THRB: variants seen among roughly 807,000 people sequenced by gnomAD.
The protein encoded by THRB is nuclear receptor subfamily 1 group A member 2.
Under a neutral mutation model 47.8 loss-of-function variants are expected in THRB, and 12 were observed. The observed-to-expected ratio is 0.25, with a 90% CI of 0.16 to 0.41. The LOEUF (loss-of-function observed/expected upper bound fraction) is 0.41. Ranked by LOEUF, THRB falls within the 10% of genes least tolerant of loss-of-function variation. The probability of loss-of-function intolerance (pLI) is 1.00; values close to 1 mark genes in which losing one functional copy is unlikely to be tolerated. For missense variants in THRB, 348 were observed against 589.2 expected (o/e 0.59, Z 4.24); for synonymous variants, 218 against 212.2 (o/e 1.03, Z -0.24).
intron 1 of THRB, among the ~76,000 whole-genome samples, chr3:24,367,884 A>G (rs1228849515): frequency 6.6e-6 from 1 of 152,190 alleles, no homozygotes; most frequent in Non-Finnish European, 1.5e-5. Flanking sequence ...ATGTTGAACT[A>G]ACATTGTGAT....
chr3:24,362,395 C>T (rs571094234), intron 1 of THRB, among the ~76,000 whole-genome samples: 13 of 152,284 alleles, frequency 8.5e-5, no homozygotes, highest in African/African-American at 3.1e-4. Context: ...AAGAGATGCT[C>T]TTCCCCTAGA....
intron 3 of THRB, among the ~76,000 whole-genome samples, chr3:24,273,351 T>C (rs1475172222): frequency 2.0e-5 from 3 of 152,192 alleles, no homozygotes; most frequent in Non-Finnish European, 4.4e-5. Context: ...AGAGCTTACA[T>C]TCTAACAGGT....
rs67972581 is a variant in THRB at position 24,159,727 on chromosome 3, C to CTGTGTGTG, written c.284-7245_284-7238dup. Among the ~76,000 whole-genome samples, 17 of 145,328 alleles carry CTGTGTGTG rather than the reference C, an allele frequency of 1.2e-4. No individual in the cohort carries two copies. In the East Asian group the frequency reaches 2.1e-3, roughly 18 times the overall value. Reference sequence around the variant, plus strand: ...GAGACATTTTTGGTTGCCACAACTGCTGTGTGTGTGTGTGTGTGTGTGTGT... The same window carrying CTGTGTGTG: ...GAGACATTTTTGGTTGCCACAACTGCTGTGTGTGTGTGTGTGTGTGTGTGTGTGTGTGT... On this transcript the variant is annotated intron_variant, in intron 5 of 10. Coordinates refer to ENST00000646209, the MANE Select transcript of THRB (RefSeq NM_001354712.2).
At position 24,117,946 on chromosome 3, in the gene THRB, G is replaced by C. The variant is rs569543641; in HGVS notation, c.*4938C>G. 68 of 152,290 alleles carry C rather than the reference G, an allele frequency of 4.5e-4. No individual in the cohort carries two copies. The highest frequency in any genetic ancestry group is 1.6e-3 in the African/African-American group (68 of 41,558). 9.4% of individuals were successfully genotyped at this position (152,290 alleles called of 1,614,324 possible). ...AGATGAGAAGATGAATGTTGTCCTT[G>C]AGCTGCAAAACTTCACCTCTCTCCT... On this transcript the variant is annotated 3_prime_UTR_variant, in exon 11 of 11. Transcript: ENST00000646209.
Position 24,318,016 on chromosome 3 carries a change from A to C in THRB, c.-189+19284T>G, listed in dbSNP as rs554807200. 3.1e-4 allele frequency among the ~76,000 whole-genome samples: 47 copies of C among 152,262 alleles called. No individual in the cohort carries two copies. The South Asian group carries it at 7.7e-3, about 25-fold the overall frequency. On this transcript the variant is annotated intron_variant, in intron 2 of 10. Coordinates refer to ENST00000646209, the MANE Select transcript of THRB (RefSeq NM_001354712.2). ...CGGGTCTGCAGTGAGCTATGATGGCACCACTGTACTCTACCTTGTCTCAAA... is the reference window on the plus strand; with the variant it reads ...CGGGTCTGCAGTGAGCTATGATGGCCCCACTGTACTCTACCTTGTCTCAAA...
intron 3 of THRB, among the ~76,000 whole-genome samples, chr3:24,277,534 T>C (rs1467071544): frequency 6.6e-6 from 1 of 152,206 alleles, no homozygotes; most frequent in Non-Finnish European, 1.5e-5. Context: ...CTGATGCTGC[T>C]GGTTGGGATC....
intron 1 of THRB, among the ~76,000 whole-genome samples, chr3:24,467,947 T>G (rs185577627): frequency 6.6e-6 from 1 of 152,364 alleles, no homozygotes; most frequent in African/African-American, 2.4e-5. Context: ...GATTGGCCTC[T>G]TCTTCCAACA....
intron 3 of THRB, among the ~76,000 whole-genome samples, chr3:24,258,057 T>C (rs896729682): frequency 6.6e-5 from 10 of 152,192 alleles, no homozygotes; most frequent in African/African-American, 2.4e-4. Flanking sequence ...TCTCTTTGTA[T>C]GAATTTATTC....
intron 3 of THRB, among the ~76,000 whole-genome samples, chr3:24,275,119 CAT>C (rs763843690): frequency 2.0e-4 from 31 of 151,984 alleles, no homozygotes; most frequent in African/African-American, 5.6e-4. Flanking sequence ...TTAAGAAAAA[CAT>C]AAATATTTGT....
At chr3:24,422,099 T>A (rs186939394) in intron 1 of THRB, among the ~76,000 whole-genome samples, 16 of 152,126 alleles carry the variant, frequency 1.1e-4, no homozygotes, top group Admixed American at 6.6e-4. Flanking sequence ...TCATGTAGTT[T>A]TCAAAAACAA....
chr3:24,466,514 A>C (rs918365200), intron 1 of THRB, among the ~76,000 whole-genome samples: 1 of 152,160 alleles, frequency 6.6e-6, no homozygotes, highest in Admixed American at 6.6e-5. Flanking sequence ...CTCCGTGTTC[A>C]GTATGCACAC....
intron 2 of THRB, among the ~76,000 whole-genome samples, chr3:24,316,557 C>T (rs1344076236): frequency 6.6e-6 from 1 of 151,704 alleles, no homozygotes; most frequent in Non-Finnish European, 1.5e-5. Flanking sequence ...CACCTGATGC[C>T]CCTAGAGTCT....
At chr3:24,230,566 T>C (rs1373159063) in intron 3 of THRB, among the ~76,000 whole-genome samples, 4 of 152,178 alleles carry the variant, frequency 2.6e-5, no homozygotes, top group South Asian at 2.1e-4. Flanking sequence ...GCATTTTGAG[T>C]GAGAGGCACC....
At chr3:24,425,113 A>C (rs1412991116) in intron 1 of THRB, among the ~76,000 whole-genome samples, 1 of 151,830 alleles carries the variant, frequency 6.6e-6, no homozygotes, top group Admixed American at 6.6e-5. Context: ...AAAATTGTTT[A>C]CATCCATGAT....
intron 1 of THRB, among the ~76,000 whole-genome samples, chr3:24,479,955 T>C (rs1381858331): frequency 6.6e-6 from 1 of 152,210 alleles, no homozygotes; most frequent in Non-Finnish European, 1.5e-5. Context: ...TGACAGATTT[T>C]GGTGAATAAA....
At chr3:24,201,617 A>G (rs1030670698) in intron 4 of THRB, among the ~76,000 whole-genome samples, 4 of 152,238 alleles carry the variant, frequency 2.6e-5, no homozygotes, top group African/African-American at 7.2e-5. Context: ...GGGATTTAAC[A>G]TATACCACAT....
intron 3 of THRB, among the ~76,000 whole-genome samples, chr3:24,269,548 C>T (rs2053102201): frequency 6.6e-6 from 1 of 152,146 alleles, no homozygotes; most frequent in South Asian, 2.1e-4. Context: ...GCTTCAGCCT[C>T]CCAAGTAGCT....
At chr3:24,139,036 T>A (rs1244475063) in intron 8 of THRB, among the ~76,000 whole-genome samples, 1 of 152,128 alleles carries the variant, frequency 6.6e-6, no homozygotes, top group East Asian at 1.9e-4. Flanking sequence ...CTTGGTGGAG[T>A]GACCTGCTTT....
At chr3:24,380,865 C>T (rs1433953257) in intron 1 of THRB, among the ~76,000 whole-genome samples, 2 of 151,970 alleles carry the variant, frequency 1.3e-5, no homozygotes, top group Admixed American at 6.6e-5. Flanking sequence ...GCCTGTAATC[C>T]CAACACTTTG....
Sources: allele counts gnomAD v4.1 joint callset (sites outside exome capture counted in the v4.1 genomes callset), GRCh38; gene constraint gnomAD v4.1.1; transcripts MANE v1.5; gene names NCBI Gene and HGNC (gene_info 2026-07-23, HGNC 2026-07-21).